FRMD8: variants seen among roughly 807,000 people sequenced by gnomAD.
FRMD8 encodes the protein FERM domain-containing protein 8.
In FRMD8, 37 loss-of-function variants were observed where a neutral mutation model predicts 54.2. The ratio of observed to expected loss-of-function variants is 0.68; its 90% CI spans 0.53 to 0.90. The LOEUF is 0.90. Ranked by LOEUF, FRMD8 falls within the 40% of genes least tolerant of loss-of-function variation. FRMD8 has a pLI of 0.00. For missense variants in FRMD8, 585 were observed against 653.7 expected, an observed-to-expected ratio of 0.89 and a Z score of 1.15; for synonymous variants, 246 against 286.9, an observed-to-expected ratio of 0.86 and a Z score of 1.44.
intron 10 of FRMD8, among the ~76,000 whole-genome samples, chr11:65,407,093 G>C (rs1856215303): frequency 6.6e-6 from 1 of 152,136 alleles, no homozygotes; most frequent in Admixed American, 6.6e-5. Context: ...CCTTAGCTCT[G>C]ATGTGGTGAC....
the FRMD8 span, among the ~76,000 whole-genome samples, chr11:65,369,765 G>A: frequency 2.7e-5 from 4 of 150,338 alleles, no homozygotes; most frequent in Admixed American, 2.7e-4. Context: ...GGGCATAGTG[G>A]CTCATGCCTG....
At chr11:65,387,164 C>G (rs1308367267) in intron 2 of FRMD8, 43 bp downstream of exon 2, 1 of 1,486,404 alleles carries the variant, frequency 6.7e-7, no homozygotes, top group Admixed American at 1.7e-5. Flanking sequence ...CTCCTGGGAC[C>G]CCAGCCCTGG....
chr11:65,402,055 A>G (rs181780500), intron 9 of FRMD8, among the ~76,000 whole-genome samples: 2 of 152,174 alleles, frequency 1.3e-5, no homozygotes, highest in East Asian at 3.9e-4. Context: ...TTTGTTGAAA[A>G]GACATTGAAT....
intron 10 of FRMD8, 51 bp from the exon 11 acceptor site, chr11:65,411,191 C>T (rs767902381): frequency 1.4e-5 from 20 of 1,466,014 alleles, no homozygotes; most frequent in Non-Finnish European, 1.8e-5. Flanking sequence ...CCTGAGCCCC[C>T]TCACACAGGG....
At chr11:65,380,470 C>G in the FRMD8 span, 12 of 1,264,058 alleles carry the variant, frequency 9.5e-6, no homozygotes, top group East Asian at 3.5e-4. Context: ...TCGCTGGAGC[C>G]CATACCCGGG....
chr11:65,394,887 C>CA (rs1246742614), intron 6 of FRMD8, among the ~76,000 whole-genome samples: 1 of 152,254 alleles, frequency 6.6e-6, no homozygotes, highest in African/African-American at 2.4e-5. Context: ...AGGATTGAGT[C>CA]TGCCCTGCCA....
At chr11:65,397,351 G>A (rs1478466773) in intron 7 of FRMD8, among the ~76,000 whole-genome samples, 1 of 152,190 alleles carries the variant, frequency 6.6e-6, no homozygotes, top group African/African-American at 2.4e-5. Context: ...CTGCACGCAC[G>A]CTCCCTGGGC....
At chr11:65,370,915 G>T in the FRMD8 span, among the ~76,000 whole-genome samples, 1 of 152,138 alleles carries the variant, frequency 6.6e-6, no homozygotes, top group Non-Finnish European at 1.5e-5. Context: ...AATTGGGAAG[G>T]AGTAGAAATC....
intron 2 of FRMD8, among the ~76,000 whole-genome samples, chr11:65,387,652 C>G (rs959875382): frequency 6.6e-6 from 1 of 152,102 alleles, no homozygotes; most frequent in Non-Finnish European, 1.5e-5. Flanking sequence ...CATTCTCCTG[C>G]CTCAGCCTCC....
chr11:65,411,206 C>T (rs373628615), intron 10 of FRMD8, 36 bp from the exon 11 acceptor site: 155 of 1,521,594 alleles, frequency 1.0e-4, no homozygotes, highest in Middle Eastern at 2.4e-4. Context: ...ACAGGGACAG[C>T]GCCTCTGCTC....
At chr11:65,391,183 G>C (rs575585847) in intron 3 of FRMD8, among the ~76,000 whole-genome samples, 4 of 152,368 alleles carry the variant, frequency 2.6e-5, no homozygotes, top group African/African-American at 7.2e-5. Flanking sequence ...CACTCTGCGT[G>C]GAACAGGGCT....
intron 6 of FRMD8, among the ~76,000 whole-genome samples, chr11:65,396,213 G>A (rs1855950906): frequency 6.6e-6 from 1 of 152,220 alleles, no homozygotes; most frequent in Non-Finnish European, 1.5e-5. Flanking sequence ...CAGGCCCCAT[G>A]GGGGCCCTTG....
At chr11:65,373,830 C>G in the FRMD8 span, among the ~76,000 whole-genome samples, 25 of 152,284 alleles carry the variant, frequency 1.6e-4, no homozygotes, top group South Asian at 8.3e-4. Flanking sequence ...TCAAGTGGTC[C>G]TCCTGCCTCG....
the FRMD8 span, chr11:65,376,117 T>C: frequency 2.1e-6 from 1 of 477,884 alleles, no homozygotes; most frequent in Non-Finnish European, 3.8e-6. Flanking sequence ...GGACAGGAGC[T>C]GGGATGTCAC....
intron 10 of FRMD8, 79 bp downstream of exon 10, chr11:65,405,147 G>C: frequency 1.5e-6 from 2 of 1,350,978 alleles, no homozygotes; most frequent in East Asian, 4.6e-5. Flanking sequence ...TGAGGACAGG[G>C]CATTGCAGAG....
the FRMD8 span, chr11:65,376,882 C>T: frequency 6.2e-7 from 1 of 1,614,088 alleles, no homozygotes; most frequent in African/African-American, 1.3e-5. Flanking sequence ...AGTAGATCCC[C>T]ACCGTGGGGG....
At chr11:65,409,030 G>A (rs1347719153) in intron 10 of FRMD8, among the ~76,000 whole-genome samples, 2 of 152,098 alleles carry the variant, frequency 1.3e-5, no homozygotes, top group Non-Finnish European at 2.9e-5. Context: ...CACAATGGGT[G>A]TAATCATTCC....
intron 6 of FRMD8, among the ~76,000 whole-genome samples, 189 bp from the exon 7 acceptor site, chr11:65,396,610 G>A (rs561972478): frequency 2.3e-4 from 35 of 152,128 alleles, no homozygotes; most frequent in Non-Finnish European, 5.0e-4. Context: ...TCTGCCCTTC[G>A]GAGGGGGGCC....
At chr11:65,399,609 C>T (rs1303387705) in intron 7 of FRMD8, 127 bp from the exon 8 acceptor site, 2 of 1,152,726 alleles carry the variant, frequency 1.7e-6, no homozygotes, top group South Asian at 1.5e-5. Context: ...CTCTGTTTCT[C>T]CCTTCCCTGG....
Sources: gnomAD v4.1 joint callset for allele counts (sites outside exome capture counted in the v4.1 genomes callset) on GRCh38, gnomAD v4.1.1 for gene constraint, MANE v1.5 for transcripts, NCBI Gene and HGNC (gene_info 2026-07-23, HGNC 2026-07-21) for gene names.